The following POU6F2 variants were observed in gnomAD, a reference collection of about 807,000 sequenced individuals.
POU6F2 encodes the protein POU class 6 homeobox 2, also known as POU domain, class 6, transcription factor 2.
Under a neutral mutation model 71.3 loss-of-function variants are expected in POU6F2, and 31 were observed. That is an observed-to-expected ratio of 0.43 (90% confidence interval 0.33 to 0.59). The LOEUF is 0.59. Ranked by LOEUF, POU6F2 falls within the 20% of genes least tolerant of loss-of-function variation. The probability of loss-of-function intolerance (pLI) is 0.04; values close to 1 mark genes in which losing one functional copy is unlikely to be tolerated. For synonymous variants in POU6F2, 347 were observed against 355.7 expected (o/e 0.98, Z 0.27); for missense variants, 783 against 856.8 (o/e 0.91, Z 1.07).
intron 1 of POU6F2, among the ~76,000 whole-genome samples, chr7:39,052,080 C>A (rs923208029): frequency 1.3e-5 from 2 of 152,112 alleles, no homozygotes; most frequent in Non-Finnish European, 2.9e-5. Flanking sequence ...ACCTTCCTAT[C>A]ACATAGCCTA....
chr7:39,464,712 CAAAATTCACAG>C lies in POU6F2; in HGVS notation c.*30_*40del. Reference sequence around the variant, plus strand: ...AGAGATGCCCACCCATAATCAGAAGCAAAATTCACAGAAACTAAACTCCACCCTTGGGACTC... The same window carrying C: ...AGAGATGCCCACCCATAATCAGAAGCAAACTAAACTCCACCCTTGGGACTC... On this transcript the variant is annotated 3_prime_UTR_variant, in exon 10 of 10. Transcript: ENST00000518318. This position sits in a 1 kb window ranked among gnomAD's most constrained non-coding sequence, Gnocchi z 4.1. 1 of 1,563,412 alleles carries C rather than the reference CAAAATTCACAG, an allele frequency of 6.4e-7. No homozygotes were observed. The highest frequency in any genetic ancestry group is 8.6e-7 in the Non-Finnish European group (1 of 1,157,258).
rs57295951 is a variant in POU6F2, at chr7:39,305,245, G to A, written c.599-34397G>A. ...ATTTCCTCATTTTACTCTTGAAGAA[G>A]CTAAGGCTTAATTAAATCAAGTAAC... On this transcript the variant is annotated intron_variant, in intron 4 of 9. Transcript: ENST00000518318. Among the ~76,000 whole-genome samples, 217 of 152,328 alleles carry A rather than the reference G, an allele frequency of 1.4e-3. 1 individual carries two copies. Among genetic ancestry groups the A allele is most frequent in the African/African-American group, 5.1e-3 (210 of 41,582 alleles).
At chr7:39,308,590 G>A (rs1785094181) in intron 4 of POU6F2, among the ~76,000 whole-genome samples, 1 of 152,114 alleles carries the variant, frequency 6.6e-6, no homozygotes, top group Non-Finnish European at 1.5e-5. Context: ...AATTCCAACT[G>A]GAATATCAGA....
At chr7:38,984,482 A>T (rs1788410905) in intron 1 of POU6F2, 1 of 152,290 alleles carries the variant, frequency 6.6e-6, no homozygotes, top group South Asian at 2.1e-4. Flanking sequence ...TTGCTTCTTT[A>T]GTTTATATTT....
intron 4 of POU6F2, among the ~76,000 whole-genome samples, chr7:39,322,423 C>T (rs1374516113): frequency 6.6e-6 from 1 of 152,228 alleles, no homozygotes; most frequent in Non-Finnish European, 1.5e-5. Context: ...TATTATGTTT[C>T]TCTCCAGATT....
chr7:39,413,995 G>A (rs551401702), intron 6 of POU6F2, among the ~76,000 whole-genome samples: 52 of 152,260 alleles, frequency 3.4e-4, no homozygotes, highest in African/African-American at 1.2e-3. Context: ...GCAGCGCCGC[G>A]CAGCCGTCTC....
At chr7:39,244,576 C>T (rs941095536) in intron 4 of POU6F2, among the ~76,000 whole-genome samples, 1 of 152,140 alleles carries the variant, frequency 6.6e-6, no homozygotes, top group African/African-American at 2.4e-5. Context: ...CCTAAAATTA[C>T]AATATCATGA....
chr7:39,407,644 C>T (rs1458388283), intron 6 of POU6F2, among the ~76,000 whole-genome samples: 1 of 151,946 alleles, frequency 6.6e-6, no homozygotes, highest in African/African-American at 2.4e-5. Context: ...TCCCCCCAGC[C>T]TTATCTATTT....
intron 4 of POU6F2, among the ~76,000 whole-genome samples, chr7:39,339,289 A>C (rs1383659120): frequency 6.6e-6 from 1 of 152,196 alleles, no homozygotes; most frequent in Non-Finnish European, 1.5e-5. Context: ...TCTAAATGAA[A>C]TCTTGAAGCA....
At chr7:39,219,948 A>G (rs771652168) in intron 4 of POU6F2, among the ~76,000 whole-genome samples, 76 of 152,210 alleles carry the variant, frequency 5.0e-4, no homozygotes, top group Non-Finnish European at 9.7e-4. Context: ...TAAATAAATA[A>G]TAGAGATAAA....
At chr7:39,211,802 C>G (rs1263596279) in intron 4 of POU6F2, among the ~76,000 whole-genome samples, 2 of 152,142 alleles carry the variant, frequency 1.3e-5, no homozygotes, top group South Asian at 2.1e-4. Flanking sequence ...GGCATCTAAT[C>G]CCCACACCCA....
chr7:39,148,810 A>C (rs1584568208), intron 2 of POU6F2, among the ~76,000 whole-genome samples: 1 of 152,352 alleles, frequency 6.6e-6, no homozygotes, highest in East Asian at 1.9e-4. Context: ...TACTCCAGAG[A>C]TACTGCATTA....
chr7:39,396,418 C>T (rs1175960247), intron 5 of POU6F2, among the ~76,000 whole-genome samples: 3 of 152,154 alleles, frequency 2.0e-5, no homozygotes, highest in Non-Finnish European at 4.4e-5. Flanking sequence ...CTCCCAAGCT[C>T]CCTAGGTGCA....
intron 5 of POU6F2, among the ~76,000 whole-genome samples, chr7:39,403,153 G>A (rs1445225973): frequency 6.6e-6 from 1 of 152,188 alleles, no homozygotes; most frequent in African/African-American, 2.4e-5. Context: ...AGGGGAATGT[G>A]AGGCTTGGAG....
At chr7:39,341,330 T>G (rs758837956) in intron 5 of POU6F2, among the ~76,000 whole-genome samples, 1 of 152,198 alleles carries the variant, frequency 6.6e-6, no homozygotes, top group African/African-American at 2.4e-5. Flanking sequence ...TACTTTCAAT[T>G]TGAACATTTT....
At position 39,253,517 on chromosome 7, in the gene POU6F2, TAATA is replaced by T. The variant is rs556456448; in HGVS notation, c.598+45904_598+45907del. The stretch of plus-strand genomic sequence containing the variant: ...ATTGCCTTTGGGCAGTGTGCGGCTT[TAATA>T]AATAAACACACAGCTTCTAATGAGG... On this transcript the variant is annotated intron_variant, in intron 4 of 9. Transcript: ENST00000518318. Among the ~76,000 whole-genome samples the T allele has an allele frequency of 7.9e-5, 12 of 152,358 alleles. No homozygotes were observed. In the South Asian group the frequency reaches 2.5e-3, roughly 32 times the overall value.
chr7:39,387,686 T>A (rs552705755), intron 5 of POU6F2, among the ~76,000 whole-genome samples: 2 of 152,328 alleles, frequency 1.3e-5, no homozygotes, highest in South Asian at 4.1e-4. Context: ...ACAGGACAAT[T>A]TCTGCCAAAA....
At chr7:39,300,863 G>T (rs1784938146) in intron 4 of POU6F2, among the ~76,000 whole-genome samples, 1 of 150,348 alleles carries the variant, frequency 6.7e-6, no homozygotes, top group African/African-American at 2.4e-5. Flanking sequence ...AGTCCTGGGG[G>T]TTAGGACTTC....
chr7:39,179,724 T>TA (rs1793402365), intron 2 of POU6F2, among the ~76,000 whole-genome samples: 1 of 152,198 alleles, frequency 6.6e-6, no homozygotes, highest in Non-Finnish European at 1.5e-5. Context: ...CAGAAAATAT[T>TA]AGCAAGAGTG....
Sources: gnomAD v4.1 joint callset for allele counts (sites outside exome capture counted in the v4.1 genomes callset) on GRCh38, gnomAD v4.1.1 for gene constraint, Gnocchi (gnomAD v3.1) non-coding constraint, MANE v1.5 for transcripts, NCBI Gene and HGNC (gene_info 2026-07-23, HGNC 2026-07-21) for gene names.